Variants in EVI5L observed in about 807,000 individuals in gnomAD.
EVI5L encodes ecotropic viral integration site 5 like.
EVI5L carries 30 observed loss-of-function variants against 106.1 expected under a neutral mutation model. The observed-to-expected ratio is 0.28, with a 90% CI of 0.21 to 0.38. EVI5L has a LOEUF of 0.38. Among genes scored for constraint, EVI5L ranks in the 10% least tolerant of loss-of-function variants. The probability of loss-of-function intolerance (pLI) is 1.00; values close to 1 mark genes in which losing one functional copy is unlikely to be tolerated. For missense variants in EVI5L, 809 were observed against 1,098.0 expected, an observed-to-expected ratio of 0.74 and a Z score of 3.72; for synonymous variants, 489 against 483.3, an observed-to-expected ratio of 1.01 and a Z score of -0.15.
chr19:7,860,832 A>G (rs1187944052), intron 14 of EVI5L, 143 bp downstream of exon 14: 10 of 1,011,562 alleles, frequency 9.9e-6, no homozygotes, highest in Non-Finnish European at 1.4e-5. Context: ...ACACAGCACA[A>G]CCCCACGCGG....
At chr19:7,851,823 G>A in intron 8 of EVI5L, 53 bp downstream of exon 8, 1 of 1,441,794 alleles carries the variant, frequency 6.9e-7, no homozygotes, top group African/African-American at 1.4e-5. Context: ...GGGGCTTCGA[G>A]TCACAGGATG....
rs999088382 is a variant in EVI5L at position 7,857,787 on chromosome 19, G to C, written c.1234-404G>C. 2.1e-5 allele frequency: 4 copies of C among 188,742 alleles called. No individual in the cohort carries two copies. The East Asian group carries it at 5.9e-4, about 28-fold the overall frequency. 11.7% of individuals were successfully genotyped at this position (188,742 alleles called of 1,614,324 possible). On this transcript the variant is annotated intron_variant, in intron 12 of 19. Transcript: ENST00000538904. This position sits in a 1 kb window ranked among gnomAD's most constrained non-coding sequence, Gnocchi z 4.5. The stretch of plus-strand genomic sequence containing the variant: ...TGCCGCTGGGAGAGGTGAATGCCCT[G>C]GGGAGCCCAGCCCTCTCCTGCCGGG...
chr19:7,833,038 G>A (rs1033441818), intron 1 of EVI5L, among the ~76,000 whole-genome samples: 3 of 152,196 alleles, frequency 2.0e-5, no homozygotes, highest in Admixed American at 6.5e-5. Flanking sequence ...AGACAGTGGG[G>A]TATGAAGGCT....
In EVI5L at chr19:7,849,100, G is replaced by T; in HGVS notation, c.507G>T (p.Lys169Asn). 6.2e-7 allele frequency: 1 copy of T among 1,610,094 alleles called. No individual in the cohort carries two copies. The highest frequency in any genetic ancestry group is 1.7e-5 in the Admixed American group (1 of 59,414). ...ARTYPEHEFF[K>N]GQDSLGQEVL... is the part of the protein sequence containing the mutation. The stretch of plus-strand genomic sequence containing the variant: ...CCTACCCGGAACATGAGTTCTTCAA[G>T]GGCCAGGACAGCCTGGGCCAGGAGG... Residue 169 changes from lysine to asparagine, a missense_variant, in exon 4 of 20, where the codon AAG becomes AAT. Around this residue, in one of 2 missense-constraint regions of EVI5L, gnomAD observed 357 missense variants for 588.1 expected, o/e 0.61. Coordinates refer to ENST00000538904, the MANE Select transcript of EVI5L (RefSeq NM_001159944.3).
At chr19:7,852,534 C>T (rs998464067) in intron 8 of EVI5L, among the ~76,000 whole-genome samples, 3 of 145,328 alleles carry the variant, frequency 2.1e-5, no homozygotes, top group Non-Finnish European at 4.5e-5. Flanking sequence ...CCTTGGCCTG[C>T]TTTTCTTTTT....
chr19:7,846,682 G>A lies in EVI5L; in HGVS notation c.137+3G>A. The A allele has an allele frequency of 1.2e-6, 2 of 1,612,312 alleles. No individual in the cohort carries two copies. The highest frequency in any genetic ancestry group is 2.2e-5 in the East Asian group (1 of 44,780). On this transcript the variant is annotated splice_donor_region_variant and intron_variant, in intron 2 of 19. Transcript: ENST00000538904. ...GCCAAGCTCGAAGAGCAGAACCGGT[G>A]AGTTGGGGGCTGGGGGATGGGGTGA...
intron 1 of EVI5L, among the ~76,000 whole-genome samples, chr19:7,832,321 C>T (rs993925849): frequency 3.3e-5 from 5 of 152,206 alleles, no homozygotes; most frequent in Admixed American, 2.6e-4. Context: ...TCCAGTCCCG[C>T]GCAGCCTGGG....
chr19:7,852,480 C>T (rs542680628), intron 8 of EVI5L, among the ~76,000 whole-genome samples: 80 of 152,212 alleles, frequency 5.3e-4, no homozygotes, highest in South Asian at 5.2e-3. Flanking sequence ...AAGGTCCCCT[C>T]TGTCAGACCC....
At chr19:7,853,544 A>G in intron 10 of EVI5L, 1 of 644,652 alleles carries the variant, frequency 1.6e-6, no homozygotes, top group Non-Finnish European at 2.7e-6. Flanking sequence ...GCGGTAACCA[A>G]GACAGTCAAG....
chr19:7,832,303 C>A (rs189611461), intron 1 of EVI5L, among the ~76,000 whole-genome samples: 2 of 152,184 alleles, frequency 1.3e-5, no homozygotes, highest in African/African-American at 4.8e-5. Context: ...GGCGAGGAGC[C>A]GGGCCGGTCC....
At chr19:7,834,950 ACT>A (rs894077225) in intron 1 of EVI5L, among the ~76,000 whole-genome samples, 2 of 151,790 alleles carry the variant, frequency 1.3e-5, no homozygotes, top group Non-Finnish European at 2.9e-5. Context: ...ACATAGTGAG[ACT>A]CTCTCTCTGC....
In EVI5L at chr19:7,857,062, C is replaced by T; in HGVS notation, c.1201-30C>T. ...GCGCCTTCCGCTCTGCCTCCTCCCCCTGTCGCTGGGAACCCCCTTCGCCGG... is the reference window on the plus strand; with the variant it reads ...GCGCCTTCCGCTCTGCCTCCTCCCCTTGTCGCTGGGAACCCCCTTCGCCGG... On this transcript the variant is annotated intron_variant, in intron 11 of 19. Transcript: ENST00000538904. This position sits in a 1 kb window ranked among gnomAD's most constrained non-coding sequence, Gnocchi z 4.5. The T allele has an allele frequency of 6.4e-7, 1 of 1,551,696 alleles. No homozygotes were observed.
chr19:7,855,895 G>A, intron 10 of EVI5L, 120 bp from the exon 11 acceptor site: 1 of 828,442 alleles, frequency 1.2e-6, no homozygotes, highest in Non-Finnish European at 1.7e-6. Context: ...TGCTGGCTGT[G>A]CCCTGCCCGG....
In EVI5L at chr19:7,850,365, G is replaced by C. The variant is rs1019269488; in HGVS notation, c.753+243G>C. Among the ~76,000 whole-genome samples the C allele has an allele frequency of 6.6e-6, 1 of 152,314 alleles. No individual in the cohort carries two copies. Among genetic ancestry groups the C allele is most frequent in the East Asian group, 1.9e-4 (1 of 5,182 alleles). ...GAGGAACAGGAGAGCCACCACTGAA[G>C]GGGGGCTCCCAGGGCTGCTGAGGCA... On this transcript the variant is annotated intron_variant, in intron 6 of 19. Coordinates refer to ENST00000538904, the MANE Select transcript of EVI5L (RefSeq NM_001159944.3). This position sits in a 1 kb window ranked among gnomAD's most constrained non-coding sequence, Gnocchi z 5.4.
At position 7,863,467 on chromosome 19, in the gene EVI5L, C is replaced by T. The variant is rs1979957310; in HGVS notation, c.2183C>T (p.Ala728Val). 6.4e-7 allele frequency: 1 copy of T among 1,565,744 alleles called. No homozygotes were observed. The change falls in exon 20 of 20, where the codon GCT (alanine) becomes GTT (valine). Residue 728 changes from alanine (A) to valine (V), a missense_variant. This residue lies in a region of EVI5L where 452 missense variants were observed against 509.9 expected (regional missense o/e 0.89). Coordinates refer to ENST00000538904, the MANE Select transcript of EVI5L (RefSeq NM_001159944.3). The surrounding 1 kb of genome is among the most constrained non-coding windows in gnomAD (Gnocchi z 7.7). ...KGPPPFEDPL[A>V]FDGLSLARHL... is the part of the protein sequence containing the mutation. ...CCGCCGCCCTTCGAGGACCCGCTGG[C>T]TTTCGATGGGCTGAGCCTGGCGCGG...
intron 4 of EVI5L, 39 bp from the exon 5 acceptor site, chr19:7,849,209 CTGTGCTGG>C: frequency 6.2e-7 from 1 of 1,613,290 alleles, no homozygotes; most frequent in Non-Finnish European, 8.5e-7. Context: ...AGTTCACCGG[CTGTGCTGG>C]ACGGCGGGAC....
chr19:7,849,484 G>T (rs530186904), intron 5 of EVI5L, among the ~76,000 whole-genome samples, 154 bp downstream of exon 5: 3 of 152,200 alleles, frequency 2.0e-5, no homozygotes, highest in African/African-American at 7.2e-5. Context: ...TCTGCCAATC[G>T]CCAGGCCAAG....
chr19:7,846,381 G>A (rs1205712851), intron 1 of EVI5L, 115 bp from the exon 2 acceptor site: 23 of 947,414 alleles, frequency 2.4e-5, no homozygotes, highest in Admixed American at 5.8e-5. Context: ...AGGGGTGCAC[G>A]GACGGGGGTG....
chr19:7,837,837 G>A (rs575248784), intron 1 of EVI5L, among the ~76,000 whole-genome samples: 2 of 151,570 alleles, frequency 1.3e-5, no homozygotes, highest in African/African-American at 4.8e-5. Context: ...CCAAGTAGCT[G>A]GGATTGCAGG....
Sources: gnomAD v4.1 joint callset for allele counts (sites outside exome capture counted in the v4.1 genomes callset) on GRCh38, gnomAD v4.1.1 for gene constraint, gnomAD v4.1.1 regional missense constraint, Gnocchi (gnomAD v3.1) non-coding constraint, MANE v1.5 for transcripts, NCBI Gene and HGNC (gene_info 2026-07-23, HGNC 2026-07-21) for gene names.